TSLP: variants seen among roughly 807,000 people sequenced by gnomAD.
TSLP encodes thymic stroma-derived lymphopoietin.
TSLP carries 12 observed loss-of-function variants against 12.4 expected under a neutral mutation model. The observed-to-expected ratio is 0.97, with a 90% CI of 0.62 to 1.57. The LOEUF (loss-of-function observed/expected upper bound fraction) is 1.57, where lower values mean the gene tolerates loss of function less well. Ranked by LOEUF, TSLP falls within the 40% of genes most tolerant of loss-of-function variation. The pLI, the probability that TSLP is intolerant of heterozygous loss-of-function variation, is 0.00. For missense variants in TSLP, 222 were observed against 189.6 expected (o/e 1.17, Z -1.00); for synonymous variants, 97 against 69.5 (o/e 1.40, Z -1.97).
At chr5:111,072,817 G>C in intron 1 of TSLP, 71 bp from the exon 2 acceptor site, 2 of 1,504,904 alleles carry the variant, frequency 1.3e-6, no homozygotes, top group Non-Finnish European at 1.9e-6. Flanking sequence ...TGGGAGCAAA[G>C]GGTGGAGGGA....
chr5:111,074,093 T>C (rs1336924094), intron 3 of TSLP, among the ~76,000 whole-genome samples: 1 of 152,228 alleles, frequency 6.6e-6, no homozygotes, highest in Non-Finnish European at 1.5e-5. Context: ...TATTGTGTGC[T>C]TATTTGCTAA....
rs1752508325 is a variant in TSLP, at chr5:111,076,402, T to C, written c.*328T>C. On this transcript the variant is annotated 3_prime_UTR_variant, in exon 4 of 4. Coordinates refer to ENST00000344895, the MANE Select transcript of TSLP (RefSeq NM_033035.5). ...TCTTTTCCCTGAAAAAGGAAAAATA[T>C]TGAACTCAATGATAGCACCTAAACT... The C allele has an allele frequency of 1.6e-5, 4 of 250,334 alleles. No homozygotes were observed. The South Asian group carries it at 1.6e-4, about 10-fold the overall frequency. The allele number at this position is 250,334 out of a possible 1,614,324, so 15.5% of individuals were successfully genotyped here. A position where few individuals can be genotyped will look rare whatever the true frequency, so the allele number is the denominator to read the frequency against.
At chr5:111,075,371 T>G (rs749826811) in intron 3 of TSLP, among the ~76,000 whole-genome samples, 16 of 151,992 alleles carry the variant, frequency 1.1e-4, no homozygotes, top group Non-Finnish European at 2.1e-4. Flanking sequence ...CTGTGACACA[T>G]CTAGACAATG....
chr5:111,074,082 T>C (rs1752423658), intron 3 of TSLP, among the ~76,000 whole-genome samples: 1 of 152,218 alleles, frequency 6.6e-6, no homozygotes, highest in South Asian at 2.1e-4. Context: ...TATCACTTAA[T>C]TATTGTGTGC....
Position 111,073,626 on chromosome 5 carries a change from C to A in TSLP, c.332C>A (p.Pro111Gln). 1 of 1,614,190 alleles carries A rather than the reference C, an allele frequency of 6.2e-7. No homozygotes were observed. The highest frequency in any genetic ancestry group is 8.5e-7 in the Non-Finnish European group (1 of 1,180,034). The change falls in exon 3 of 4, where the codon CCA becomes CAA. Residue 111 changes from proline (P) to glutamine (Q), a missense_variant. Coordinates refer to ENST00000344895, the MANE Select transcript of TSLP (RefSeq NM_033035.5). ...KTKAALAIWC[P>Q]GYSETQINAT... is the part of the protein sequence containing the mutation. The stretch of plus-strand genomic sequence containing the variant: ...AAGGCTGCCTTAGCTATCTGGTGCC[C>A]AGGCTATTCGGAAACTCAGGTAAGC...
In TSLP at chr5:111,076,784, C is replaced by G. The variant is rs1162232888; in HGVS notation, c.*710C>G. Reference sequence around the variant, plus strand: ...CTATATATTTCTTAATAAAATAATTCTCAAATTTGTTTCTTATGAATCATC... The same window carrying G: ...CTATATATTTCTTAATAAAATAATTGTCAAATTTGTTTCTTATGAATCATC... On this transcript the variant is annotated 3_prime_UTR_variant, in exon 4 of 4. Coordinates refer to ENST00000344895, the MANE Select transcript of TSLP (RefSeq NM_033035.5). 3 of 152,056 alleles carry G rather than the reference C, an allele frequency of 2.0e-5. No homozygotes were observed. The South Asian group carries it at 6.2e-4, about 32-fold the overall frequency. 9.4% of individuals were successfully genotyped at this position (152,056 alleles called of 1,614,324 possible).
At chr5:111,074,873 C>T (rs149540660) in intron 3 of TSLP, among the ~76,000 whole-genome samples, 1,619 of 152,180 alleles carry the variant, frequency 0.011, 28 homozygotes, top group African/African-American at 0.036. Context: ...CTGCCTCGGC[C>T]TCCCAAAGTG....
rs925674060 is a variant in TSLP at position 111,077,640 on chromosome 5, T to A, written c.*1566T>A. The A allele has an allele frequency of 6.6e-6, 1 of 152,602 alleles. No homozygotes were observed. Among genetic ancestry groups the A allele is most frequent in the East Asian group, 1.9e-4 (1 of 5,200 alleles). 9.5% of individuals were successfully genotyped at this position (152,602 alleles called of 1,614,324 possible). A position where few individuals can be genotyped will look rare whatever the true frequency, so the allele number is the denominator to read the frequency against. The stretch of plus-strand genomic sequence containing the variant: ...GAACTATGAAAATAAATACACATAA[T>A]TTTTCACAAAATTTTGGGCCCAATT... On this transcript the variant is annotated 3_prime_UTR_variant, in exon 4 of 4. Transcript: ENST00000344895.
Position 111,071,859 on chromosome 5 carries a change from T to A in TSLP, c.-32T>A. 6.2e-7 allele frequency: 1 copy of A among 1,606,534 alleles called. No homozygotes were observed. ...TACACTCGTGGTGGGAAGAGTTTAG[T>A]GTGAAACTGGGGTGGAATTGGGTGT... On this transcript the variant is annotated 5_prime_UTR_variant, in exon 1 of 4. Transcript: ENST00000344895.
rs1752515203 is a variant in TSLP at position 111,076,656 on chromosome 5, A to T, written c.*582A>T. Reference sequence around the variant, plus strand: ...TATATACAAGTAGATCCTGAGAAGTACCTTTGTTACAGCTACTATAAATAT... The same window carrying T: ...TATATACAAGTAGATCCTGAGAAGTTCCTTTGTTACAGCTACTATAAATAT... On this transcript the variant is annotated 3_prime_UTR_variant, in exon 4 of 4. Transcript: ENST00000344895. The T allele has an allele frequency of 6.6e-6, 1 of 152,294 alleles. No homozygotes were observed. The highest frequency in any genetic ancestry group is 6.5e-5 in the Admixed American group (1 of 15,282). The allele number at this position is 152,294 out of a possible 1,614,324, so 9.4% of individuals were successfully genotyped here. A position where few individuals can be genotyped will look rare whatever the true frequency, so the allele number is the denominator to read the frequency against.
chr5:111,074,828 C>G (rs562730305), intron 3 of TSLP, among the ~76,000 whole-genome samples: 1 of 152,102 alleles, frequency 6.6e-6, no homozygotes, highest in East Asian at 1.9e-4. Flanking sequence ...CCATATTGGC[C>G]AGGCTGGTCT....
chr5:111,073,172 C>T, intron 2 of TSLP: 1 of 911,350 alleles, frequency 1.1e-6, no homozygotes, highest in South Asian at 1.9e-5. Context: ...GGAACTGGGA[C>T]GAGGGAACGT....
rs11466742 is a variant in TSLP at position 111,073,045 on chromosome 5, C to T, written c.216+113C>T. On this transcript the variant is annotated intron_variant, in intron 2 of 3. Coordinates refer to ENST00000344895, the MANE Select transcript of TSLP (RefSeq NM_033035.5). ...GAGAGGTGCCTGGGCTCCGGGACGC[C>T]GCCGCCGGGGGAAAGGGGACATCTG... 3 of 1,309,334 alleles carry T rather than the reference C, an allele frequency of 2.3e-6. No homozygotes were observed. In the East Asian group the frequency reaches 7.1e-5, roughly 31 times the overall value. 81.1% of individuals were successfully genotyped at this position (1,309,334 alleles called of 1,614,324 possible).
chr5:111,072,754 A>T (rs1213400297), intron 1 of TSLP, 134 bp from the exon 2 acceptor site: 1 of 867,958 alleles, frequency 1.2e-6, no homozygotes, highest in African/African-American at 1.7e-5. Context: ...CTTGTCAATG[A>T]CATAGGAAAA....
At chr5:111,074,882 T>C (rs890267224) in intron 3 of TSLP, among the ~76,000 whole-genome samples, 5 of 152,048 alleles carry the variant, frequency 3.3e-5, no homozygotes, top group Non-Finnish European at 7.4e-5. Context: ...CCTCCCAAAG[T>C]GCTGGAATTA....
At chr5:111,073,142 T>C (rs1191546228) in intron 2 of TSLP, among the ~76,000 whole-genome samples, 7 of 152,304 alleles carry the variant, frequency 4.6e-5, no homozygotes, top group Non-Finnish European at 8.8e-5. Context: ...GAAGTCTCTA[T>C]CCGGAGGAAA....
At position 111,072,085 on chromosome 5, in the gene TSLP, A is replaced by C. The variant is rs774834230; in HGVS notation, c.171+24A>C. 3.1e-6 allele frequency: 5 copies of C among 1,589,376 alleles called. No individual in the cohort carries two copies. The African/African-American group carries it at 6.7e-5, about 21-fold the overall frequency. On this transcript the variant is annotated intron_variant, in intron 1 of 3. Transcript: ENST00000344895. ...GGGTAAGTGAAGAAGCTTTTTTAAA[A>C]CAAATGTATTTTCATCAGAGGAGTC...
At position 111,071,825 on chromosome 5, in the gene TSLP, C is replaced by G. The variant is rs1225473986; in HGVS notation, c.-66C>G. 6.4e-7 allele frequency: 1 copy of G among 1,564,846 alleles called. No homozygotes were observed. The highest frequency in any genetic ancestry group is 8.7e-7 in the Non-Finnish European group (1 of 1,148,072). On this transcript the variant is annotated 5_prime_UTR_variant, in exon 1 of 4. Coordinates refer to ENST00000344895, the MANE Select transcript of TSLP (RefSeq NM_033035.5). ...GCACTGGCCCCTAAGGCAGGCCTTA[C>G]AGATCTCTTACACTCGTGGTGGGAA...
chr5:111,072,818 G>A, intron 1 of TSLP, 70 bp from the exon 2 acceptor site: 2 of 1,510,916 alleles, frequency 1.3e-6, no homozygotes, highest in East Asian at 2.3e-5. Context: ...GGGAGCAAAG[G>A]GTGGAGGGAT....
Sources: gnomAD v4.1 joint callset for allele counts (sites outside exome capture counted in the v4.1 genomes callset) on GRCh38, gnomAD v4.1.1 for gene constraint, MANE v1.5 for transcripts, NCBI Gene and HGNC (gene_info 2026-07-23, HGNC 2026-07-21) for gene names.